The following ZZZ3 variants were observed in gnomAD, a reference collection of about 807,000 sequenced individuals.
The protein encoded by ZZZ3 is zinc finger ZZ-type containing 3.
Under a neutral mutation model 95.2 loss-of-function variants are expected in ZZZ3, and 22 were observed. That is an observed-to-expected ratio of 0.23 (90% CI 0.17 to 0.33). ZZZ3 has a LOEUF of 0.33. Among genes scored for constraint, ZZZ3 ranks in the 10% least tolerant of loss-of-function variants. The pLI is 1.00. For missense variants in ZZZ3, 885 were observed against 1,066.5 expected (o/e 0.83, Z 2.37); for synonymous variants, 335 against 358.9 (o/e 0.93, Z 0.75).
chr1:77,682,786 G>A (rs1168085340), upstream of ZZZ3: 1 of 152,334 alleles, frequency 6.6e-6, no homozygotes, highest in East Asian at 1.9e-4. Flanking sequence ...CTTCACTAAC[G>A]GAGTAGTGAA....
chr1:77,596,962 A>G (rs1664271912), intron 5 of ZZZ3, among the ~76,000 whole-genome samples: 3 of 152,120 alleles, frequency 2.0e-5, no homozygotes, highest in Non-Finnish European at 4.4e-5. Flanking sequence ...CTATCAGCTG[A>G]GACAGCTAAA....
At chr1:77,577,274 G>A (rs1193453957) in intron 11 of ZZZ3, among the ~76,000 whole-genome samples, 1 of 152,142 alleles carries the variant, frequency 6.6e-6, no homozygotes, top group Non-Finnish European at 1.5e-5. Flanking sequence ...ACGTTCTCCA[G>A]TATTCCTTTT....
intron 12 of ZZZ3, among the ~76,000 whole-genome samples, chr1:77,570,113 C>A (rs1037106658): frequency 6.6e-6 from 1 of 151,672 alleles, no homozygotes; most frequent in African/African-American, 2.4e-5. Context: ...TCTTTTTTTT[C>A]TTTTTTTGAG....
Position 77,582,052 on chromosome 1 carries a change from G to T in ZZZ3, c.1719C>A (p.Ser573Arg). ...PEIVWDQYTH[S>R]LGNFEREFKN... ...TAAATTCTCTTTCAAAATTCCCAAG[G>T]CTATGGGTATATTGGTCCCATACGA... The change falls in exon 7 of 15, where the codon AGC (serine) becomes AGA (arginine). Residue 573 changes from serine (S) to arginine (R), a missense_variant. Around this residue, in one of 5 missense-constraint regions of ZZZ3, gnomAD observed 7 missense variants for 29.4 expected, o/e 0.24. Coordinates refer to ENST00000370801, the MANE Select transcript of ZZZ3 (RefSeq NM_015534.6). 6.2e-7 allele frequency: 1 copy of T among 1,612,526 alleles called. No individual in the cohort carries two copies. Among genetic ancestry groups the T allele is most frequent in the Non-Finnish European group, 8.5e-7 (1 of 1,178,908 alleles).
At chr1:77,594,011 T>C (rs1051559136) in intron 5 of ZZZ3, among the ~76,000 whole-genome samples, 4 of 152,188 alleles carry the variant, frequency 2.6e-5, no homozygotes, top group African/African-American at 9.6e-5. Flanking sequence ...CACTCATTAC[T>C]ATATATTCTT....
chr1:77,658,173 T>A (rs1570629976), intron 1 of ZZZ3, among the ~76,000 whole-genome samples: 1 of 128,036 alleles, frequency 7.8e-6, no homozygotes, highest in Non-Finnish European at 1.6e-5. Context: ...AGCGAGACTT[T>A]GTCTCAAAAA....
intron 1 of ZZZ3, among the ~76,000 whole-genome samples, chr1:77,670,933 A>G (rs1429811464): frequency 4.0e-5 from 6 of 150,928 alleles, no homozygotes; most frequent in Non-Finnish European, 8.9e-5. Flanking sequence ...AATCCCAGCT[A>G]CCCAAGAAGC....
intron 11 of ZZZ3, among the ~76,000 whole-genome samples, chr1:77,576,888 G>A (rs1662015226): frequency 6.6e-6 from 1 of 152,334 alleles, no homozygotes; most frequent in Admixed American, 6.5e-5. Flanking sequence ...GGTTGGACAA[G>A]CTTGCTCTAT....
chr1:77,652,038 A>G (rs2100970091), intron 1 of ZZZ3, among the ~76,000 whole-genome samples: 1 of 152,056 alleles, frequency 6.6e-6, no homozygotes, highest in East Asian at 1.9e-4. Flanking sequence ...AAAAAAGGTT[A>G]AAATGGTAAC....
intron 5 of ZZZ3, among the ~76,000 whole-genome samples, chr1:77,597,833 AC>A (rs113554274): frequency 2.0e-5 from 3 of 152,236 alleles, no homozygotes; most frequent in African/African-American, 7.2e-5. Context: ...CACAAAAAGG[AC>A]ATTAGGTAAA....
At chr1:77,682,751 T>A (rs970839137), upstream of ZZZ3, 1 of 152,104 alleles carries the variant, frequency 6.6e-6, no homozygotes, top group African/African-American at 2.4e-5. Flanking sequence ...CAGAAAAAAA[T>A]CAGTATTTCG....
At chr1:77,618,931 T>C (rs914394359) in intron 5 of ZZZ3, among the ~76,000 whole-genome samples, 2 of 152,334 alleles carry the variant, frequency 1.3e-5, no homozygotes, top group East Asian at 3.9e-4. Flanking sequence ...CTTTTCAATT[T>C]ATCCCTAGGT....
intron 13 of ZZZ3, 47 bp from the exon 14 acceptor site, chr1:77,566,228 G>T (rs369199006): frequency 1.5e-6 from 2 of 1,366,770 alleles, no homozygotes; most frequent in Admixed American, 2.0e-5. Flanking sequence ...ACTGTTCCAC[G>T]ATCTTTTTTA....
intron 1 of ZZZ3, among the ~76,000 whole-genome samples, chr1:77,680,592 GA>G (rs1179200022): frequency 6.6e-6 from 1 of 152,092 alleles, no homozygotes; most frequent in Non-Finnish European, 1.5e-5. Flanking sequence ...TTGGCGGGGG[GA>G]AATTACAAAA....
chr1:77,679,395 T>G (rs960098405), intron 1 of ZZZ3, among the ~76,000 whole-genome samples: 1 of 152,198 alleles, frequency 6.6e-6, no homozygotes, highest in Non-Finnish European at 1.5e-5. Context: ...AGTCTCAACC[T>G]TCTGGGTTCA....
intron 5 of ZZZ3, among the ~76,000 whole-genome samples, chr1:77,602,523 A>G (rs1442005255): frequency 2.0e-5 from 3 of 152,212 alleles, no homozygotes; most frequent in South Asian, 4.2e-4. Flanking sequence ...CCAGTGACCA[A>G]CCAGAATTTC....
chr1:77,629,576 C>T lies in ZZZ3; in HGVS notation c.1505+2274G>A, dbSNP rs368211111. Among the ~76,000 whole-genome samples, 8 of 152,128 alleles carry T rather than the reference C, an allele frequency of 5.3e-5. No individual in the cohort carries two copies. The East Asian group carries it at 1.5e-3, about 29-fold the overall frequency. ...GGTAGGTCAAAGCTGCAGTGAGCCACGACTGTGCCACTGCACTCCAGCCCG... is the reference window on the plus strand; with the variant it reads ...GGTAGGTCAAAGCTGCAGTGAGCCATGACTGTGCCACTGCACTCCAGCCCG... On this transcript the variant is annotated intron_variant, in intron 5 of 14. Coordinates refer to ENST00000370801, the MANE Select transcript of ZZZ3 (RefSeq NM_015534.6).
chr1:77,646,377 C>T (rs115603589), intron 1 of ZZZ3, among the ~76,000 whole-genome samples: 25 of 152,108 alleles, frequency 1.6e-4, no homozygotes, highest in Admixed American at 9.8e-4. Context: ...CATGCCACTA[C>T]GCCCAGCTAA....
intron 1 of ZZZ3, among the ~76,000 whole-genome samples, chr1:77,670,109 C>A (rs1671621733): frequency 6.8e-6 from 1 of 147,702 alleles, no homozygotes; most frequent in African/African-American, 2.5e-5. Flanking sequence ...AAATTAACAC[C>A]AGCATTTAGG....
Sources: allele counts gnomAD v4.1 joint callset (sites outside exome capture counted in the v4.1 genomes callset), GRCh38; gene constraint gnomAD v4.1.1; regional missense constraint gnomAD v4.1.1; transcripts MANE v1.5; gene names NCBI Gene and HGNC (gene_info 2026-07-23, HGNC 2026-07-21).